The following SCLT1 variants were observed in gnomAD, a reference collection of about 807,000 sequenced individuals.
The protein encoded by SCLT1 is sodium channel and clathrin linker 1.
A neutral mutation model predicts 112.8 loss-of-function variants in SCLT1; 78 were observed. The ratio of observed to expected loss-of-function variants is 0.69; its 90% CI spans 0.58 to 0.83. SCLT1 has a LOEUF of 0.83. Among genes scored for constraint, SCLT1 ranks in the 40% least tolerant of loss-of-function variants. The pLI is 0.00. For missense variants in SCLT1, 747 were observed against 770.4 expected, an observed-to-expected ratio of 0.97 and a Z score of 0.36; for synonymous variants, 257 against 254.7, an observed-to-expected ratio of 1.01 and a Z score of -0.09.
intron 19 of SCLT1, 145 bp from the exon 20 acceptor site, chr4:128,888,919 A>C (rs1400578614): frequency 2.0e-5 from 9 of 455,356 alleles, no homozygotes; most frequent in Non-Finnish European, 3.1e-5. Flanking sequence ...TTTTCAAGTT[A>C]TGAGCTTTAA....
Position 128,975,680 on chromosome 4 carries a change from G to A in SCLT1, c.687-5212C>T, listed in dbSNP as rs549738413. Among the ~76,000 whole-genome samples the A allele has an allele frequency of 5.3e-5, 8 of 152,148 alleles. No homozygotes were observed. In the South Asian group the frequency reaches 1.2e-3, roughly 24 times the overall value. On this transcript the variant is annotated intron_variant, in intron 9 of 20. Coordinates refer to ENST00000281142, the MANE Select transcript of SCLT1 (RefSeq NM_144643.4). ...CTCTTTAAAATAAAAAAATGCACAC[G>A]TTAGGTAATTTAATAAGGACTTTTG...
At chr4:129,004,784 T>C (rs1743846563) in intron 5 of SCLT1, among the ~76,000 whole-genome samples, 1 of 151,506 alleles carries the variant, frequency 6.6e-6, no homozygotes, top group South Asian at 2.1e-4. Flanking sequence ...GAAAACAAAA[T>C]TCATCAAATA....
At chr4:128,894,876 C>T (rs1416643553) in intron 18 of SCLT1, among the ~76,000 whole-genome samples, 2 of 152,108 alleles carry the variant, frequency 1.3e-5, no homozygotes, top group Non-Finnish European at 1.5e-5. Context: ...TGGGGTATCA[C>T]CATGTTGGCC....
At chr4:129,029,628 G>A (rs967783410) in intron 5 of SCLT1, among the ~76,000 whole-genome samples, 8 of 151,922 alleles carry the variant, frequency 5.3e-5, no homozygotes, top group Non-Finnish European at 1.0e-4. Context: ...GTATACATAC[G>A]TAACCAATCT....
intron 2 of SCLT1, among the ~76,000 whole-genome samples, chr4:129,046,092 A>T (rs1748151751): frequency 2.6e-5 from 4 of 152,140 alleles, no homozygotes; most frequent in Admixed American, 2.6e-4. Context: ...ACAAATTATA[A>T]GTATACAGCT....
chr4:129,039,959 T>A, intron 4 of SCLT1: 1 of 461,136 alleles, frequency 2.2e-6, no homozygotes, highest in African/African-American at 2.0e-5. Flanking sequence ...TGTAAAAGCA[T>A]GCAAAATCTC....
At chr4:129,086,174 T>G (rs1031072102) in intron 1 of SCLT1, among the ~76,000 whole-genome samples, 1 of 152,138 alleles carries the variant, frequency 6.6e-6, no homozygotes, top group South Asian at 2.1e-4. Flanking sequence ...GGGAAACACT[T>G]TCAATCTTCA....
At chr4:128,874,633 G>C (rs1732439393) in intron 4 of SCLT1, 2 of 152,590 alleles carry the variant, frequency 1.3e-5, no homozygotes, top group Admixed American at 6.5e-5. Context: ...TTGTGAGTTA[G>C]TTTCATGTCA....
At chr4:128,945,973 A>G in intron 16 of SCLT1, 34 bp downstream of exon 16, 1 of 1,478,148 alleles carries the variant, frequency 6.8e-7, no homozygotes. Flanking sequence ...AATTCTGAAG[A>G]TGTTATCATA....
chr4:128,930,757 T>C (rs1339026529), intron 18 of SCLT1, among the ~76,000 whole-genome samples: 1 of 152,126 alleles, frequency 6.6e-6, no homozygotes, highest in Non-Finnish European at 1.5e-5. Context: ...AGTTTTGAAA[T>C]GTAGAAATTA....
At chr4:129,003,084 C>G (rs1376255419) in intron 6 of SCLT1, among the ~76,000 whole-genome samples, 2 of 152,134 alleles carry the variant, frequency 1.3e-5, no homozygotes, top group East Asian at 3.9e-4. Context: ...CACATATACA[C>G]CATGGAATAC....
At chr4:128,892,895 T>C (rs1408123166) in intron 18 of SCLT1, among the ~76,000 whole-genome samples, 1 of 152,104 alleles carries the variant, frequency 6.6e-6, no homozygotes, top group African/African-American at 2.4e-5. Flanking sequence ...CAAAATAGAA[T>C]AAATTATTAT....
chr4:129,011,103 A>G (rs76268093), intron 5 of SCLT1, among the ~76,000 whole-genome samples: 1 of 152,280 alleles, frequency 6.6e-6, no homozygotes, highest in African/African-American at 2.4e-5. Context: ...TTCAATACCT[A>G]GCTTATTGAG....
At chr4:128,951,514 G>A (rs1738732952) in intron 14 of SCLT1, among the ~76,000 whole-genome samples, 1 of 152,108 alleles carries the variant, frequency 6.6e-6, no homozygotes, top group Admixed American at 6.5e-5. Flanking sequence ...AAAATCCCTG[G>A]AAGTCTTAGC....
intron 5 of SCLT1, among the ~76,000 whole-genome samples, chr4:129,033,168 A>G (rs1253005763): frequency 6.6e-6 from 1 of 152,198 alleles, no homozygotes; most frequent in Non-Finnish European, 1.5e-5. Context: ...GCCATAAAAA[A>G]GAATGAGTTC....
intron 9 of SCLT1, among the ~76,000 whole-genome samples, chr4:128,973,085 T>C (rs1436165118): frequency 4.9e-5 from 4 of 81,464 alleles, no homozygotes; most frequent in Non-Finnish European, 1.3e-4. Flanking sequence ...GCTGGACTAG[T>C]CTTCTTCTTT....
intron 9 of SCLT1, chr4:128,972,401 T>G (rs1173885327): frequency 1.4e-5 from 2 of 144,904 alleles, no homozygotes; most frequent in Non-Finnish European, 3.0e-5. Flanking sequence ...CTGTAAACTG[T>G]AAGCAAGATA....
intron 2 of SCLT1, among the ~76,000 whole-genome samples, chr4:129,058,012 G>A (rs1052327354): frequency 1.3e-5 from 2 of 152,110 alleles, no homozygotes; most frequent in African/African-American, 4.8e-5. Flanking sequence ...GCCTCCCAAA[G>A]TGCTGGGATT....
At chr4:128,884,627 A>AAGACCATTTC in intron 20 of SCLT1, 88 bp from the exon 21 acceptor site, 1 of 798,242 alleles carries the variant, frequency 1.3e-6, no homozygotes, top group Non-Finnish European at 2.1e-6. Flanking sequence ...CACAACCTAT[A>AAGACCATTTC]AGTACTGAAA....
Sources: allele counts gnomAD v4.1 joint callset (sites outside exome capture counted in the v4.1 genomes callset), GRCh38; gene constraint gnomAD v4.1.1; transcripts MANE v1.5; gene names NCBI Gene and HGNC (gene_info 2026-07-23, HGNC 2026-07-21).